MAML2: variants seen among roughly 807,000 people sequenced by gnomAD.
MAML2 encodes mastermind like transcriptional coactivator 2.
A neutral mutation model predicts 96.1 loss-of-function variants in MAML2; 22 were observed. The observed-to-expected ratio is 0.23, with a 90% CI of 0.16 to 0.33. The LOEUF is 0.33. MAML2 is among the 10% of genes least tolerant of loss of function. The pLI is 1.00. For missense variants in MAML2, 1,367 were observed against 1,392.4 expected, an observed-to-expected ratio of 0.98 and a Z score of 0.29; for synonymous variants, 561 against 521.3, an observed-to-expected ratio of 1.08 and a Z score of -1.04.
chr11:96,100,858 C>T (rs1859917531), intron 1 of MAML2, among the ~76,000 whole-genome samples: 1 of 151,670 alleles, frequency 6.6e-6, no homozygotes, highest in Non-Finnish European at 1.5e-5. Flanking sequence ...TGATCCTTTC[C>T]CCTCAGCCAC....
intron 1 of MAML2, among the ~76,000 whole-genome samples, chr11:96,306,960 A>T (rs991852816): frequency 6.6e-6 from 1 of 152,236 alleles, no homozygotes; most frequent in East Asian, 1.9e-4. Context: ...GTTGAAATAA[A>T]GCGTAATGTG....
At chr11:96,271,380 G>C (rs1862913041) in intron 1 of MAML2, among the ~76,000 whole-genome samples, 1 of 152,186 alleles carries the variant, frequency 6.6e-6, no homozygotes, top group African/African-American at 2.4e-5. Flanking sequence ...GTTTTGAAGT[G>C]TGAGGACATG....
intron 2 of MAML2, among the ~76,000 whole-genome samples, chr11:96,022,588 C>T (rs1858452361): frequency 7.1e-6 from 1 of 141,376 alleles, no homozygotes; most frequent in Non-Finnish European, 1.6e-5. Context: ...TCTATCTGTC[C>T]CCCGAATATC....
chr11:96,251,682 G>A (rs1338538749), intron 1 of MAML2, among the ~76,000 whole-genome samples: 2 of 151,748 alleles, frequency 1.3e-5, no homozygotes, highest in Non-Finnish European at 2.9e-5. Flanking sequence ...CATCCATGGT[G>A]GAATGTTGGA....
chr11:96,008,272 A>T (rs1334058905), intron 2 of MAML2, among the ~76,000 whole-genome samples: 1 of 152,050 alleles, frequency 6.6e-6, no homozygotes, highest in East Asian at 1.9e-4. Context: ...CTGAAAACAG[A>T]TCCTTGATTT....
chr11:96,180,865 G>A (rs1211576288), intron 1 of MAML2, among the ~76,000 whole-genome samples: 6 of 151,738 alleles, frequency 4.0e-5, no homozygotes, highest in Admixed American at 2.0e-4. Context: ...GGGTGGGGCC[G>A]TTTTATAGGA....
chr11:95,984,919 G>A lies in MAML2; in HGVS notation c.2455+612C>T, dbSNP rs75105358. On this transcript the variant is annotated intron_variant, in intron 4 of 4. Coordinates refer to ENST00000524717, the MANE Select transcript of MAML2 (RefSeq NM_032427.4). Reference sequence around the variant, plus strand: ...GCAATATAGGCTGGGTTTGGGAAAGGTTCTTTTGGAGTTTCATGAGCGGGA... The same window carrying A: ...GCAATATAGGCTGGGTTTGGGAAAGATTCTTTTGGAGTTTCATGAGCGGGA... Among the ~76,000 whole-genome samples, 372 of 152,294 alleles carry A rather than the reference G, an allele frequency of 2.4e-3. 1 individual carries two copies. Among genetic ancestry groups the A allele is most frequent in the East Asian group, 0.021 (111 of 5,180 alleles).
At chr11:96,317,208 T>C (rs1863644209) in intron 1 of MAML2, among the ~76,000 whole-genome samples, 1 of 152,158 alleles carries the variant, frequency 6.6e-6, no homozygotes, top group Non-Finnish European at 1.5e-5. Flanking sequence ...GATGCACCTT[T>C]GCAAATCTAT....
chr11:96,034,323 A>G (rs1273759029), intron 2 of MAML2, among the ~76,000 whole-genome samples: 1 of 152,154 alleles, frequency 6.6e-6, no homozygotes, highest in Non-Finnish European at 1.5e-5. Context: ...CAGGAAGCAC[A>G]GAATATGACC....
intron 1 of MAML2, among the ~76,000 whole-genome samples, chr11:96,330,727 A>C (rs1489247414): frequency 1.3e-5 from 2 of 152,212 alleles, no homozygotes; most frequent in East Asian, 3.8e-4. Context: ...GGTTCTCTGC[A>C]TGCTCATCTC....
intron 1 of MAML2, among the ~76,000 whole-genome samples, chr11:96,196,558 C>A (rs521634): frequency 0.76 from 116,087 of 152,098 alleles, 44,566 homozygotes; most frequent in Middle Eastern, 0.89. Flanking sequence ...TGCCCATTTA[C>A]GGGCAATACC....
chr11:96,317,309 T>A (rs559879941), intron 1 of MAML2, among the ~76,000 whole-genome samples: 4 of 152,134 alleles, frequency 2.6e-5, no homozygotes, highest in African/African-American at 9.7e-5. Context: ...AGCTAAAAAA[T>A]ACATTTCATA....
At chr11:96,184,488 T>G (rs1395704841) in intron 1 of MAML2, among the ~76,000 whole-genome samples, 2 of 150,708 alleles carry the variant, frequency 1.3e-5, no homozygotes, top group South Asian at 2.1e-4. Context: ...AAATAATGCA[T>G]GAACAATGGT....
intron 2 of MAML2, among the ~76,000 whole-genome samples, chr11:96,081,672 G>A (rs1461855794): frequency 6.6e-6 from 1 of 152,216 alleles, no homozygotes; most frequent in Non-Finnish European, 1.5e-5. Context: ...TTTGCAATGA[G>A]AAGCAAACTA....
chr11:96,263,672 C>T (rs1862781384), intron 1 of MAML2, among the ~76,000 whole-genome samples: 1 of 152,224 alleles, frequency 6.6e-6, no homozygotes, highest in Admixed American at 6.5e-5. Context: ...ATCTTTTATA[C>T]AGTACATCCT....
At position 96,269,774 on chromosome 11, in the gene MAML2, G is replaced by A. The variant is rs1229864125; in HGVS notation, c.513+71609C>T. ...GATCTACATGCCTTGGCCTCCCAAA[G>A]TGTTGGGTTTACAGGTGTGAGCCTC... On this transcript the variant is annotated intron_variant, in intron 1 of 4. Transcript: ENST00000524717. Among the ~76,000 whole-genome samples, 4 of 144,234 alleles carry A rather than the reference G, an allele frequency of 2.8e-5. 1 individual carries two copies. The highest frequency in any genetic ancestry group is 1.5e-5 in the Non-Finnish European group (1 of 66,754). The allele number at this position is 144,234 out of a possible 152,430, so 94.6% of individuals were successfully genotyped here.
intron 2 of MAML2, among the ~76,000 whole-genome samples, chr11:96,011,785 A>T (rs963357245): frequency 2.6e-5 from 4 of 152,038 alleles, no homozygotes; most frequent in Non-Finnish European, 5.9e-5. Flanking sequence ...AATAAATGGA[A>T]TTTTTTTTCT....
intron 1 of MAML2, among the ~76,000 whole-genome samples, chr11:96,187,278 G>A (rs1861589461): frequency 6.6e-6 from 1 of 152,116 alleles, no homozygotes; most frequent in African/African-American, 2.4e-5. Flanking sequence ...CCAGATTGCT[G>A]GTTTTCTCAG....
In MAML2 at chr11:96,342,130, A is replaced by T. The variant is rs1864006154; in HGVS notation, c.-235T>A. Reference sequence around the variant, plus strand: ...CTGGGGGGAGGATAAGTTGGAAACAAACCCTGATTAACTTACTCTAATTGC... The same window carrying T: ...CTGGGGGGAGGATAAGTTGGAAACATACCCTGATTAACTTACTCTAATTGC... On this transcript the variant is annotated 5_prime_UTR_variant, in exon 1 of 5. The change creates a new upstream start codon in the 5' untranslated region. Coordinates refer to ENST00000524717, the MANE Select transcript of MAML2 (RefSeq NM_032427.4). The T allele has an allele frequency of 1.9e-6, 1 of 536,552 alleles. No individual in the cohort carries two copies. Among genetic ancestry groups the T allele is most frequent in the African/African-American group, 1.9e-5 (1 of 52,872 alleles). 33.2% of individuals were successfully genotyped at this position (536,552 alleles called of 1,614,324 possible). A position where few individuals can be genotyped will look rare whatever the true frequency, so the allele number is the denominator to read the frequency against.
Sources: gnomAD v4.1 joint callset for allele counts (sites outside exome capture counted in the v4.1 genomes callset) on GRCh38, gnomAD v4.1.1 for gene constraint, MANE v1.5 for transcripts, NCBI Gene and HGNC (gene_info 2026-07-23, HGNC 2026-07-21) for gene names.